Variants in CA10 observed in about 807,000 individuals in gnomAD.
CA10 encodes carbonic anhydrase 10 (inactive).
CA10 carries 14 observed loss-of-function variants against 44.2 expected under a neutral mutation model. That is an observed-to-expected ratio of 0.32 (90% CI 0.21 to 0.50). The LOEUF is 0.50. CA10 is among the 20% of genes least tolerant of loss of function. CA10 has a pLI of 0.99. For missense variants in CA10, 350 were observed against 409.7 expected, an observed-to-expected ratio of 0.85 and a Z score of 1.26; for synonymous variants, 159 against 141.6, an observed-to-expected ratio of 1.12 and a Z score of -0.87.
intron 4 of CA10, among the ~76,000 whole-genome samples, chr17:51,727,207 T>G (rs1475931601): frequency 6.6e-6 from 1 of 152,216 alleles, no homozygotes; most frequent in Non-Finnish European, 1.5e-5. Context: ...ACAGAGCAGT[T>G]GGCATTTGTC....
intron 1 of CA10, among the ~76,000 whole-genome samples, chr17:52,147,525 A>G (rs1989615414): frequency 6.6e-6 from 1 of 151,884 alleles, no homozygotes; most frequent in Non-Finnish European, 1.5e-5. Flanking sequence ...TAACTTATAC[A>G]CTTAAAATTG....
At chr17:52,071,368 C>A (rs746552032) in intron 2 of CA10, among the ~76,000 whole-genome samples, 15 of 152,142 alleles carry the variant, frequency 9.9e-5, no homozygotes, top group Non-Finnish European at 2.1e-4. Flanking sequence ...CCCCATCATA[C>A]AAATGAGAAA....
At chr17:51,884,774 T>G (rs1467074138) in intron 3 of CA10, among the ~76,000 whole-genome samples, 1 of 152,200 alleles carries the variant, frequency 6.6e-6, no homozygotes, top group Non-Finnish European at 1.5e-5. Context: ...TGGTTGGTTC[T>G]TTCTGGAGGT....
At chr17:52,059,025 G>T (rs565429410) in intron 2 of CA10, among the ~76,000 whole-genome samples, 1 of 152,052 alleles carries the variant, frequency 6.6e-6, no homozygotes, top group Admixed American at 6.6e-5. Flanking sequence ...AAATAACAAA[G>T]TATTTCTAAT....
chr17:52,007,337 C>G (rs1985634433), intron 2 of CA10, among the ~76,000 whole-genome samples: 1 of 151,510 alleles, frequency 6.6e-6, no homozygotes, highest in Non-Finnish European at 1.5e-5. Flanking sequence ...GGAAAAATTT[C>G]TTACATTTCA....
intron 3 of CA10, among the ~76,000 whole-genome samples, chr17:51,847,234 T>C (rs534388472): frequency 7.2e-5 from 11 of 152,180 alleles, no homozygotes; most frequent in Non-Finnish European, 1.6e-4. Flanking sequence ...ACCCACCCAA[T>C]AATAATATAA....
chr17:52,038,579 G>C (rs1285545025), intron 2 of CA10, among the ~76,000 whole-genome samples: 2 of 152,112 alleles, frequency 1.3e-5, no homozygotes, highest in African/African-American at 4.8e-5. Context: ...CTGTACTGCT[G>C]AGGCAATAAC....
chr17:51,731,430 A>G (rs996544694), intron 4 of CA10, among the ~76,000 whole-genome samples: 8 of 152,112 alleles, frequency 5.3e-5, no homozygotes, highest in African/African-American at 1.7e-4. Context: ...GGAACAATAT[A>G]AACAATTCTT....
chr17:52,020,592 T>C (rs1052113099), intron 2 of CA10, among the ~76,000 whole-genome samples: 2 of 152,098 alleles, frequency 1.3e-5, no homozygotes, highest in Non-Finnish European at 2.9e-5. Context: ...AATTTCAAAA[T>C]TGCTGTAATT....
In CA10 at chr17:51,913,916, CATT is replaced by C. The variant is rs1981887195; in HGVS notation, c.279+17071_279+17073del. On this transcript the variant is annotated intron_variant, in intron 3 of 8. Transcript: ENST00000451037. Reference sequence around the variant, plus strand: ...CAAATCTTAAATTTCCATCTATTACCATTATTATTATCCACAGAGAACTGAGGG... The same window carrying C: ...CAAATCTTAAATTTCCATCTATTACCATTATTATCCACAGAGAACTGAGGG... Among the ~76,000 whole-genome samples, 7 of 152,130 alleles carry C rather than the reference CATT, an allele frequency of 4.6e-5. No homozygotes were observed. In the South Asian group the frequency reaches 1.5e-3, roughly 32 times the overall value.
At chr17:52,146,451 G>C (rs972708493) in intron 1 of CA10, among the ~76,000 whole-genome samples, 1 of 152,068 alleles carries the variant, frequency 6.6e-6, no homozygotes, top group Non-Finnish European at 1.5e-5. Flanking sequence ...AGCACTTTGG[G>C]AGGCTGAGGC....
chr17:51,781,279 T>G (rs1906048176), intron 3 of CA10, among the ~76,000 whole-genome samples: 1 of 152,244 alleles, frequency 6.6e-6, no homozygotes, highest in African/African-American at 2.4e-5. Context: ...ATATCTGAGA[T>G]AAATCCAGCA....
intron 3 of CA10, among the ~76,000 whole-genome samples, chr17:51,765,199 T>C (rs1224602616): frequency 6.6e-6 from 1 of 152,168 alleles, no homozygotes; most frequent in African/African-American, 2.4e-5. Flanking sequence ...AGTTTTCTGT[T>C]CATTATCTCT....
chr17:51,810,816 T>C (rs1351381193), intron 3 of CA10, among the ~76,000 whole-genome samples: 1 of 152,246 alleles, frequency 6.6e-6, no homozygotes, highest in Non-Finnish European at 1.5e-5. Context: ...CAGCCAGGAC[T>C]TGATGCTTGC....
chr17:51,678,789 T>G (rs997790996), intron 4 of CA10, among the ~76,000 whole-genome samples: 3 of 152,216 alleles, frequency 2.0e-5, no homozygotes, highest in Non-Finnish European at 4.4e-5. Context: ...TTTTCTCCAT[T>G]AAACAATTTG....
chr17:51,998,430 C>A (rs1376866581), intron 2 of CA10, among the ~76,000 whole-genome samples: 1 of 152,052 alleles, frequency 6.6e-6, no homozygotes, highest in Non-Finnish European at 1.5e-5. Flanking sequence ...TTTAACTTTA[C>A]TTTCTTTTAA....
At chr17:52,019,133 T>A (rs28401239) in intron 2 of CA10, among the ~76,000 whole-genome samples, 94,337 of 151,866 alleles carry the variant, frequency 0.62, 30,047 homozygotes, top group African/African-American at 0.71. Flanking sequence ...CAAATAAACC[T>A]CTTTTCTTTA....
intron 3 of CA10, among the ~76,000 whole-genome samples, chr17:51,890,236 T>C (rs1645226169): frequency 6.6e-6 from 1 of 152,192 alleles, no homozygotes; most frequent in African/African-American, 2.4e-5. Context: ...TTCATGGGGA[T>C]AGAGTAGGCA....
chr17:52,113,445 C>T (rs1215329633), intron 1 of CA10, among the ~76,000 whole-genome samples: 3 of 152,078 alleles, frequency 2.0e-5, no homozygotes, highest in African/African-American at 7.2e-5. Flanking sequence ...AGGCATTGCC[C>T]TGGGCACCAT....
Sources: allele counts gnomAD v4.1 joint callset (sites outside exome capture counted in the v4.1 genomes callset), GRCh38; gene constraint gnomAD v4.1.1; transcripts MANE v1.5; gene names NCBI Gene and HGNC (gene_info 2026-07-23, HGNC 2026-07-21).